Variants in SPECC1L observed in about 807,000 individuals in gnomAD.
The protein encoded by SPECC1L is sperm antigen with calponin homology and coiled-coil domains 1 like.
Under a neutral mutation model 116.8 loss-of-function variants are expected in SPECC1L, and 40 were observed. That is an observed-to-expected ratio of 0.34 (90% CI 0.27 to 0.45). The LOEUF is 0.45. Among genes scored for constraint, SPECC1L ranks in the 20% least tolerant of loss-of-function variants. The pLI is 1.00. For synonymous variants in SPECC1L, 504 were observed against 500.6 expected, an observed-to-expected ratio of 1.01 and a Z score of -0.09; for missense variants, 1,110 against 1,373.6, an observed-to-expected ratio of 0.81 and a Z score of 3.03.
chr22:24,308,802 G>A (rs2049554527), intron 3 of SPECC1L, among the ~76,000 whole-genome samples: 1 of 152,110 alleles, frequency 6.6e-6, no homozygotes, highest in South Asian at 2.1e-4. Context: ...CTGCTACAAG[G>A]AAGAGTTTTT....
chr22:24,334,429 C>A lies in SPECC1L; in HGVS notation c.2416C>A (p.Arg806=). The A allele has an allele frequency of 6.2e-7, 1 of 1,614,030 alleles. No individual in the cohort carries two copies. The highest frequency in any genetic ancestry group is 1.1e-5 in the South Asian group (1 of 91,072). ...KSRKQEEERG[R]VYNYMNAVER... is the part of the protein sequence containing the mutation. ...TTTCAGGCAAGAGGAGGAGCGAGGCCGGGTATACAATTACATGAATGCCGT... is the reference window on the plus strand; with the variant it reads ...TTTCAGGCAAGAGGAGGAGCGAGGCAGGGTATACAATTACATGAATGCCGT... Residue 806 remains arginine, a synonymous_variant, in exon 9 of 17, where the codon CGG becomes AGG. Coordinates refer to ENST00000314328, the MANE Select transcript of SPECC1L (RefSeq NM_015330.6).
At chr22:24,395,306 C>T (rs961256345) in intron 14 of SPECC1L, among the ~76,000 whole-genome samples, 2 of 152,038 alleles carry the variant, frequency 1.3e-5, no homozygotes, top group African/African-American at 2.4e-5. Flanking sequence ...TTTCCCAATA[C>T]GATGTGAGGT....
intron 6 of SPECC1L, among the ~76,000 whole-genome samples, chr22:24,325,950 T>G (rs2040813114): frequency 6.6e-6 from 1 of 152,192 alleles, no homozygotes; most frequent in Non-Finnish European, 1.5e-5. Flanking sequence ...TGCCTGTTTT[T>G]TGCTGTTTGT....
At chr22:24,330,523 G>GTT in intron 8 of SPECC1L, 92 bp downstream of exon 8, 1 of 1,383,252 alleles carries the variant, frequency 7.2e-7, no homozygotes, top group Non-Finnish European at 1.0e-6. Flanking sequence ...AAAATGTGGA[G>GTT]TTTGATACTT....
At chr22:24,354,909 C>T (rs2041499517) in intron 11 of SPECC1L, among the ~76,000 whole-genome samples, 1 of 151,714 alleles carries the variant, frequency 6.6e-6, no homozygotes, top group Non-Finnish European at 1.5e-5. Flanking sequence ...GTCGGCCTCC[C>T]ATAGTGCTGG....
At position 24,388,080 on chromosome 22, in the gene SPECC1L, TTTA is replaced by T. The variant is rs537731356; in HGVS notation, c.3087+18777_3087+18779del. The stretch of plus-strand genomic sequence containing the variant: ...CTCTTCCTGTTCTTAAAATTCTTTT[TTTA>T]TTATTATTATTATTATACTTTAAGT... On this transcript the variant is annotated intron_variant, in intron 14 of 16. Transcript: ENST00000314328. Among the ~76,000 whole-genome samples the T allele has an allele frequency of 4.0e-5, 6 of 151,782 alleles. No individual in the cohort carries two copies. The South Asian group carries it at 6.2e-4, about 16-fold the overall frequency.
intron 11 of SPECC1L, among the ~76,000 whole-genome samples, chr22:24,357,718 G>A (rs1752828619): frequency 6.6e-6 from 1 of 152,196 alleles, no homozygotes; most frequent in Non-Finnish European, 1.5e-5. Flanking sequence ...CCTCAGGGCA[G>A]AACAGGCTTC....
intron 9 of SPECC1L, among the ~76,000 whole-genome samples, chr22:24,337,148 C>G (rs1231385151): frequency 6.6e-6 from 1 of 152,288 alleles, no homozygotes; most frequent in South Asian, 2.1e-4. Context: ...TTCGTAGCAG[C>G]TCTGCTCACA....
intron 3 of SPECC1L, among the ~76,000 whole-genome samples, chr22:24,310,874 G>A (rs1369161223): frequency 1.3e-5 from 2 of 151,854 alleles, no homozygotes; most frequent in Non-Finnish European, 2.9e-5. Context: ...TAGTCACATC[G>A]ATCAAGTCTT....
intron 6 of SPECC1L, among the ~76,000 whole-genome samples, chr22:24,327,555 A>C (rs570522466): frequency 2.0e-4 from 30 of 152,098 alleles, no homozygotes; most frequent in Non-Finnish European, 3.8e-4. Context: ...AAGTATAAGG[A>C]ATGGGAGAGA....
intron 1 of SPECC1L, among the ~76,000 whole-genome samples, chr22:24,274,155 G>GTAAAGA (rs1202502930): frequency 6.6e-6 from 1 of 152,208 alleles, no homozygotes; most frequent in Non-Finnish European, 1.5e-5. Context: ...TAGATGCGAG[G>GTAAAGA]TAAAGAACCC....
intron 14 of SPECC1L, among the ~76,000 whole-genome samples, chr22:24,394,432 G>T (rs75110868): frequency 2.6e-5 from 4 of 152,136 alleles, no homozygotes; most frequent in African/African-American, 9.7e-5. Flanking sequence ...CCTCATGACC[G>T]CATTACTTCC....
intron 2 of SPECC1L, among the ~76,000 whole-genome samples, chr22:24,284,346 A>G (rs1277708072): frequency 6.6e-6 from 1 of 152,178 alleles, no homozygotes; most frequent in Non-Finnish European, 1.5e-5. Flanking sequence ...TCATAGACGT[A>G]GAAGTATGTG....
intron 14 of SPECC1L, among the ~76,000 whole-genome samples, chr22:24,399,702 G>A (rs8135076): frequency 3.7e-4 from 57 of 152,288 alleles, no homozygotes; most frequent in African/African-American, 1.0e-3. Context: ...ATGGGGCAAC[G>A]TAGTTGTGGT....
intron 2 of SPECC1L, among the ~76,000 whole-genome samples, chr22:24,282,092 G>C (rs536419620): frequency 6.6e-6 from 1 of 152,220 alleles, no homozygotes; most frequent in Non-Finnish European, 1.5e-5. Flanking sequence ...TTCTTCTTGA[G>C]CTGAGTCCGT....
chr22:24,352,047 C>T (rs2041436706), intron 11 of SPECC1L, among the ~76,000 whole-genome samples: 2 of 150,952 alleles, frequency 1.3e-5, no homozygotes, highest in Admixed American at 1.3e-4. Context: ...AATCTATTAT[C>T]CTTTAGCATC....
intron 1 of SPECC1L, among the ~76,000 whole-genome samples, chr22:24,275,827 G>A (rs990293254): frequency 6.6e-6 from 1 of 152,074 alleles, no homozygotes; most frequent in African/African-American, 2.4e-5. Flanking sequence ...TCTTGCCTTA[G>A]TCTTCTCACT....
chr22:24,347,936 T>G (rs1012254792), intron 11 of SPECC1L, among the ~76,000 whole-genome samples: 6 of 152,114 alleles, frequency 3.9e-5, no homozygotes, highest in African/African-American at 1.2e-4. Context: ...TCAACCTCCC[T>G]AAGTGATGTG....
At chr22:24,287,718 C>T (rs2049068860) in intron 2 of SPECC1L, among the ~76,000 whole-genome samples, 2 of 152,098 alleles carry the variant, frequency 1.3e-5, no homozygotes. Context: ...TTCGGGATCA[C>T]CTTTTACAGT....
Sources: gnomAD v4.1 joint callset for allele counts (sites outside exome capture counted in the v4.1 genomes callset) on GRCh38, gnomAD v4.1.1 for gene constraint, MANE v1.5 for transcripts, NCBI Gene and HGNC (gene_info 2026-07-23, HGNC 2026-07-21) for gene names.